CCSER1: variants seen among roughly 807,000 people sequenced by gnomAD.
CCSER1 encodes coiled-coil serine rich protein 1, also known as serine-rich coiled-coil domain-containing protein 1.
Under a neutral mutation model 82.0 loss-of-function variants are expected in CCSER1, and 41 were observed. That is an observed-to-expected ratio of 0.50 (90% CI 0.39 to 0.65). The LOEUF is 0.65. Among genes scored for constraint, CCSER1 ranks in the 30% least tolerant of loss-of-function variants. CCSER1 has a pLI of 0.00. For missense variants in CCSER1, 1,119 were observed against 1,064.2 expected (o/e 1.05, Z -0.72); for synonymous variants, 414 against 383.9 (o/e 1.08, Z -0.92).
At position 91,171,496 on chromosome 4, in the gene CCSER1, T is replaced by A. The variant is rs370467770; in HGVS notation, c.2217+85502T>A. On this transcript the variant is annotated intron_variant, in intron 10 of 10. Coordinates refer to ENST00000509176, the MANE Select transcript of CCSER1 (RefSeq NM_001145065.2). Reference sequence around the variant, plus strand: ...ACAGAAATATTAAAAGTCACAGAAATGTTTCTGAAATGGACTTTAATTATC... The same window carrying A: ...ACAGAAATATTAAAAGTCACAGAAAAGTTTCTGAAATGGACTTTAATTATC... 3.3e-3 allele frequency among the ~76,000 whole-genome samples: 506 copies of A among 152,228 alleles called. 1 individual carries two copies. The highest frequency in any genetic ancestry group is 0.012 in the African/African-American group (479 of 41,554).
intron 9 of CCSER1, among the ~76,000 whole-genome samples, chr4:91,000,116 G>A (rs1377544529): frequency 4.6e-5 from 7 of 151,726 alleles, no homozygotes; most frequent in Non-Finnish European, 7.4e-5. Flanking sequence ...CTTTATTTCT[G>A]AGTTATCTAT....
intron 8 of CCSER1, among the ~76,000 whole-genome samples, chr4:90,861,920 A>T (rs1489616683): frequency 2.3e-5 from 3 of 131,782 alleles, no homozygotes; most frequent in African/African-American, 7.7e-5. Context: ...ATATATATAT[A>T]TATATATTTT....
At chr4:91,484,699 T>C (rs1353449244) in intron 10 of CCSER1, among the ~76,000 whole-genome samples, 3 of 152,164 alleles carry the variant, frequency 2.0e-5, no homozygotes, top group African/African-American at 4.8e-5. Flanking sequence ...TCTTCAGTGA[T>C]TCTCAAAGTG....
At chr4:90,795,565 CTT>C (rs1314708133) in intron 7 of CCSER1, among the ~76,000 whole-genome samples, 1 of 152,158 alleles carries the variant, frequency 6.6e-6, no homozygotes, top group Admixed American at 6.5e-5. Flanking sequence ...GCATCCTTGT[CTT>C]TTGCTGGTTT....
intron 10 of CCSER1, among the ~76,000 whole-genome samples, chr4:91,183,823 T>C (rs1357960369): frequency 6.6e-6 from 1 of 152,168 alleles, no homozygotes; most frequent in East Asian, 1.9e-4. Context: ...TCAGCCTCCT[T>C]TGTTAATTGC....
At chr4:90,274,737 T>A (rs1460229417) in intron 1 of CCSER1, among the ~76,000 whole-genome samples, 1 of 152,174 alleles carries the variant, frequency 6.6e-6, no homozygotes, top group African/African-American at 2.4e-5. Flanking sequence ...TATCATACTT[T>A]CAGAATTTTC....
chr4:90,744,959 T>TTATA (rs140185261), intron 7 of CCSER1, among the ~76,000 whole-genome samples: 53 of 149,462 alleles, frequency 3.5e-4, no homozygotes, highest in South Asian at 8.4e-4. Context: ...TTTATATATA[T>TTATA]TATATATATA....
chr4:90,318,084 A>G (rs1382647523), intron 3 of CCSER1, among the ~76,000 whole-genome samples: 2 of 152,162 alleles, frequency 1.3e-5, no homozygotes, highest in Non-Finnish European at 2.9e-5. Flanking sequence ...CCTTTTGTCC[A>G]GAGTCATTTA....
chr4:90,683,126 A>T (rs1734191626), intron 6 of CCSER1: 1 of 152,224 alleles, frequency 6.6e-6, no homozygotes, highest in South Asian at 2.1e-4. Context: ...GAAGCAGAGT[A>T]CGAAGATGAA....
intron 10 of CCSER1, among the ~76,000 whole-genome samples, chr4:91,595,758 T>C (rs554832715): frequency 4.9e-4 from 74 of 152,096 alleles, no homozygotes; most frequent in Non-Finnish European, 1.0e-3. Flanking sequence ...TTGGGTCTTA[T>C]ATGAACAGCC....
At chr4:91,580,177 A>T (rs190405103) in intron 10 of CCSER1, among the ~76,000 whole-genome samples, 153 of 152,036 alleles carry the variant, frequency 1.0e-3, no homozygotes, top group Non-Finnish European at 1.4e-3. Context: ...TCAATCTTTC[A>T]GAATTTGACA....
rs147113779 is a variant in CCSER1 at position 90,195,898 on chromosome 4, T to G, written c.-42+68067T>G. The stretch of plus-strand genomic sequence containing the variant: ...TCAAAATGTCCAGCAATATGGGCAG[T>G]GTTTCAGTAAGTTATATCCATGTGA... On this transcript the variant is annotated intron_variant, in intron 1 of 10. Transcript: ENST00000509176. 4.1e-3 allele frequency among the ~76,000 whole-genome samples: 624 copies of G among 152,190 alleles called. 6 individuals carry two copies. The highest frequency in any genetic ancestry group is 0.015 in the African/African-American group (604 of 41,556).
In CCSER1 at chr4:90,932,976, A is replaced by AGAGAG. The variant is rs1561384936; in HGVS notation, c.2172+9529_2172+9530insGAGAG. Among the ~76,000 whole-genome samples the AGAGAG allele has an allele frequency of 1.8e-4, 7 of 38,706 alleles. 1 individual carries two copies. Among genetic ancestry groups the AGAGAG allele is most frequent in the East Asian group, 1.5e-3 (3 of 2,046 alleles). 25.4% of individuals were successfully genotyped at this position (38,706 alleles called of 152,430 possible). On this transcript the variant is annotated intron_variant, in intron 9 of 10. Transcript: ENST00000509176. The stretch of plus-strand genomic sequence containing the variant: ...AAAGAAAGAAAGAAAGAAAGAAAGA[A>AGAGAG]AGAAAGAGAAAGAAAGAAAGAAAGA...
chr4:90,141,266 G>T (rs1246471115), intron 1 of CCSER1, among the ~76,000 whole-genome samples: 1 of 152,082 alleles, frequency 6.6e-6, no homozygotes, highest in East Asian at 1.9e-4. Flanking sequence ...ATTATCAAGG[G>T]TAATCTGCTT....
chr4:91,426,714 T>G (rs138111098), intron 10 of CCSER1, among the ~76,000 whole-genome samples: 306 of 152,346 alleles, frequency 2.0e-3, no homozygotes, highest in Middle Eastern at 3.4e-3. Context: ...TTTTAATTTC[T>G]GATTTGTGTG....
At chr4:91,033,136 T>C (rs977491567) in intron 9 of CCSER1, among the ~76,000 whole-genome samples, 10 of 152,188 alleles carry the variant, frequency 6.6e-5, no homozygotes, top group African/African-American at 9.7e-5. Context: ...ATTCTACCTG[T>C]ATCAGTCAGG....
intron 5 of CCSER1, among the ~76,000 whole-genome samples, chr4:90,509,154 G>A (rs886346617): frequency 6.6e-6 from 1 of 152,048 alleles, no homozygotes; most frequent in African/African-American, 2.4e-5. Flanking sequence ...GTGTCAATGA[G>A]TATGTGGATG....
chr4:91,577,337 G>A (rs1763498590), intron 10 of CCSER1, among the ~76,000 whole-genome samples: 1 of 151,906 alleles, frequency 6.6e-6, no homozygotes, highest in South Asian at 2.1e-4. Context: ...GAAGGGGAGA[G>A]AAGATCAGTG....
chr4:91,314,063 TC>T lies in CCSER1; in HGVS notation c.2217+228071del, dbSNP rs1745666523. ...AATGTCAACATCTTCAAAACGGAAT[TC>T]CTTATCGTTTAGCTTCTCTTTCCTA... is the stretch of plus-strand genomic sequence containing the variant. On this transcript the variant is annotated intron_variant, in intron 10 of 10. Transcript: ENST00000509176. Among the ~76,000 whole-genome samples the T allele has an allele frequency of 2.0e-5, 3 of 151,972 alleles. No individual in the cohort carries two copies. In the South Asian group the frequency reaches 6.2e-4, roughly 31 times the overall value.
Sources: gnomAD v4.1 joint callset for allele counts (sites outside exome capture counted in the v4.1 genomes callset) on GRCh38, gnomAD v4.1.1 for gene constraint, MANE v1.5 for transcripts, NCBI Gene and HGNC (gene_info 2026-07-23, HGNC 2026-07-21) for gene names.